NEIL3: variants seen among roughly 807,000 people sequenced by gnomAD.
NEIL3 encodes the protein nei like DNA glycosylase 3.
NEIL3 carries 48 observed loss-of-function variants against 57.5 expected under a neutral mutation model. The ratio of observed to expected loss-of-function variants is 0.83; its 90% CI spans 0.66 to 1.06. NEIL3 has a LOEUF of 1.06. Among genes scored for constraint, NEIL3 ranks in the 50% least tolerant of loss-of-function variants. The probability of loss-of-function intolerance (pLI) is 0.00; values close to 1 mark genes in which losing one functional copy is unlikely to be tolerated. For synonymous variants in NEIL3, 261 were observed against 253.2 expected (o/e 1.03, Z -0.29); for missense variants, 717 against 739.1 (o/e 0.97, Z 0.35).
Position 177,360,489 on chromosome 4 carries a change from AC to A in NEIL3, c.1461-12del. 1 of 1,609,248 alleles carries A rather than the reference AC, an allele frequency of 6.2e-7. No homozygotes were observed. The highest frequency in any genetic ancestry group is 2.2e-5 in the East Asian group (1 of 44,810). ...ACTCCTATGCTGTACTTATTTTGTA[AC>A]CTGTCATTACAGTGAACTTCAAATT... is the stretch of plus-strand genomic sequence containing the variant. On this transcript the variant is annotated splice_polypyrimidine_tract_variant and intron_variant, in intron 8 of 9. Transcript: ENST00000264596.
At chr4:177,331,384 A>G (rs1302805209) in intron 2 of NEIL3, among the ~76,000 whole-genome samples, 7 of 151,964 alleles carry the variant, frequency 4.6e-5, no homozygotes, top group Middle Eastern at 3.4e-3. Context: ...TCTCTGCTGA[A>G]ATATCACACC....
chr4:177,353,563 C>A lies in NEIL3; in HGVS notation c.1295C>A (p.Pro432His). The A allele has an allele frequency of 6.2e-7, 1 of 1,612,970 alleles. No homozygotes were observed. Among genetic ancestry groups the A allele is most frequent in the South Asian group, 1.1e-5 (1 of 91,034 alleles). The part of the protein sequence containing the change: ...ASVCLNDIQH[P>H]SKKTTNDITQ... Reference sequence around the variant, plus strand: ...GTTTGTTTGAATGATATACAGCACCCCTCCAAGAAGACAACAAACGATATA... The same window carrying A: ...GTTTGTTTGAATGATATACAGCACCACTCCAAGAAGACAACAAACGATATA... Residue 432 changes from proline to histidine, a missense_variant, in exon 8 of 10, where the codon CCC becomes CAC. Pro to His is a moderately conservative substitution (Grantham distance 77). Transcript: ENST00000264596.
At chr4:177,325,426 A>G (rs1469028984) in intron 2 of NEIL3, among the ~76,000 whole-genome samples, 1 of 152,058 alleles carries the variant, frequency 6.6e-6, no homozygotes, top group Non-Finnish European at 1.5e-5. Context: ...TGAACATACC[A>G]TATTTTGTTA....
At chr4:177,333,070 T>G (rs74561742) in intron 2 of NEIL3, among the ~76,000 whole-genome samples, 1 of 149,210 alleles carries the variant, frequency 6.7e-6, no homozygotes, top group Non-Finnish European at 1.5e-5. Flanking sequence ...TTTTACATTC[T>G]TTTTTTTTTA....
intron 1 of NEIL3, among the ~76,000 whole-genome samples, chr4:177,317,679 G>A (rs913681271): frequency 7.7e-6 from 1 of 129,312 alleles, no homozygotes; most frequent in Non-Finnish European, 1.5e-5. Flanking sequence ...TCAGCTCACT[G>A]CAGCCTCCAC....
intron 8 of NEIL3, among the ~76,000 whole-genome samples, chr4:177,354,974 T>A (rs1259964774): frequency 6.6e-6 from 1 of 152,198 alleles, no homozygotes; most frequent in Non-Finnish European, 1.5e-5. Context: ...CATCCTCTCT[T>A]TTCCTTAATG....
At chr4:177,314,826 C>G (rs1466338251) in intron 1 of NEIL3, among the ~76,000 whole-genome samples, 1 of 152,008 alleles carries the variant, frequency 6.6e-6, no homozygotes, top group Non-Finnish European at 1.5e-5. Context: ...ACCTGTAATT[C>G]CAGCACTTTG....
rs77387112 is a variant in NEIL3, at chr4:177,351,164, A to C, written c.870-216A>C. ...GGCTGCAGTGAACTATAATGGTGCC[A>C]CTACGCTGCAACCTGGATGACAGAG... is the stretch of plus-strand genomic sequence containing the variant. On this transcript the variant is annotated intron_variant, in intron 6 of 9. Coordinates refer to ENST00000264596, the MANE Select transcript of NEIL3 (RefSeq NM_018248.3). 5.0e-3 allele frequency among the ~76,000 whole-genome samples: 679 copies of C among 136,700 alleles called. 7 individuals are homozygous for C. The East Asian group carries it at 0.071, about 14-fold the overall frequency. The allele number at this position is 136,700 out of a possible 152,430, so 89.7% of individuals were successfully genotyped here. A position where few individuals can be genotyped will look rare whatever the true frequency, so the allele number is the denominator to read the frequency against.
chr4:177,314,933 T>TGGGCG (rs71244923), intron 1 of NEIL3, among the ~76,000 whole-genome samples: 6 of 150,994 alleles, frequency 4.0e-5, no homozygotes, highest in African/African-American at 9.7e-5. Flanking sequence ...AAAAATTAGC[T>TGGGCG]TGGTGGACGC....
At chr4:177,320,048 A>G (rs1026999438) in intron 1 of NEIL3, among the ~76,000 whole-genome samples, 3 of 152,192 alleles carry the variant, frequency 2.0e-5, no homozygotes. Flanking sequence ...ACAAAGATCT[A>G]TATCTGCTTT....
At chr4:177,370,791 T>G in the NEIL3 span, among the ~76,000 whole-genome samples, 1 of 151,972 alleles carries the variant, frequency 6.6e-6, no homozygotes, top group Non-Finnish European at 1.5e-5. Context: ...GTCCCAGCTA[T>G]GTGGGAGGCT....
At chr4:177,366,502 G>A (rs535286691), downstream of NEIL3, among the ~76,000 whole-genome samples, 8 of 152,260 alleles carry the variant, frequency 5.3e-5, no homozygotes, top group East Asian at 1.2e-3. Flanking sequence ...GGGTTCAACC[G>A]ATTCTCTTGC....
intron 1 of NEIL3, among the ~76,000 whole-genome samples, chr4:177,313,807 A>G (rs1411321105): frequency 6.6e-6 from 1 of 152,224 alleles, no homozygotes; most frequent in African/African-American, 2.4e-5. Context: ...GGAACTGAGG[A>G]GACATTTAAT....
chr4:177,371,015 C>A, the NEIL3 span, among the ~76,000 whole-genome samples: 1 of 152,044 alleles, frequency 6.6e-6, no homozygotes, highest in Non-Finnish European at 1.5e-5. Flanking sequence ...TTTATGTGGG[C>A]ACTTGGCATC....
rs553042066 is a variant in NEIL3 at position 177,358,847 on chromosome 4, G to A, written c.1461-1656G>A. On this transcript the variant is annotated intron_variant, in intron 8 of 9. Coordinates refer to ENST00000264596, the MANE Select transcript of NEIL3 (RefSeq NM_018248.3). ...TGTTCAACCGTTATCCAAAACAGCC[G>A]CCTCTAAAATAATATATAAAACTGT... Among the ~76,000 whole-genome samples the A allele has an allele frequency of 3.2e-4, 48 of 152,208 alleles. No individual in the cohort carries two copies. The South Asian group carries it at 9.5e-3, about 30-fold the overall frequency.
rs530222180 is a variant in NEIL3, at chr4:177,336,347, A to T, written c.627+26A>T. ...GTAAGTTTTAAGTATTTTTTTAATTATCTGTTGATTTTTCGGTACTGTGAA... is the reference window on the plus strand; with the variant it reads ...GTAAGTTTTAAGTATTTTTTTAATTTTCTGTTGATTTTTCGGTACTGTGAA... On this transcript the variant is annotated intron_variant, in intron 4 of 9. Coordinates refer to ENST00000264596, the MANE Select transcript of NEIL3 (RefSeq NM_018248.3). The T allele has an allele frequency of 1.0e-5, 16 of 1,596,424 alleles. No homozygotes were observed. The African/African-American group carries it at 2.2e-4, about 21-fold the overall frequency.
In NEIL3 at chr4:177,353,625, A is replaced by G. The variant is rs755443928; in HGVS notation, c.1357A>G (p.Ile453Val). The G allele has an allele frequency of 6.2e-7, 1 of 1,613,688 alleles. No homozygotes were observed. The highest frequency in any genetic ancestry group is 2.2e-5 in the East Asian group (1 of 44,868). ...PSSKVNISPTISSESKLFSPA... is the reference protein window; with the variant it reads ...PSSKVNISPTVSSESKLFSPA... ...CAGCAAAGTAAACATATCACCTACA[A>G]TCAGTTCAGAATCTAAATTATTTAG... Residue 453 changes from isoleucine (I) to valine (V), a missense_variant, in exon 8 of 10, where the codon ATC (isoleucine) becomes GTC (valine). Ile to Val is a conservative substitution (Grantham distance 29, BLOSUM62 3). Transcript: ENST00000264596.
At chr4:177,315,168 A>G (rs188180232) in intron 1 of NEIL3, among the ~76,000 whole-genome samples, 10 of 152,130 alleles carry the variant, frequency 6.6e-5, no homozygotes, top group East Asian at 1.9e-4. Flanking sequence ...TTTCTTCTCT[A>G]TAGGGAAAAT....
chr4:177,367,377 C>T (rs1271354533), downstream of NEIL3, among the ~76,000 whole-genome samples: 2 of 143,950 alleles, frequency 1.4e-5, no homozygotes, highest in East Asian at 3.4e-4. Flanking sequence ...AGAGCCCTTG[C>T]GATGCAGTTC....
Sources: allele counts gnomAD v4.1 joint callset (sites outside exome capture counted in the v4.1 genomes callset), GRCh38; gene constraint gnomAD v4.1.1; transcripts MANE v1.5; gene names NCBI Gene and HGNC (gene_info 2026-07-23, HGNC 2026-07-21).